SUDS3: variants seen among roughly 807,000 people sequenced by gnomAD.
SUDS3 encodes the protein sin3 histone deacetylase corepressor complex component SDS3.
A neutral mutation model predicts 53.5 loss-of-function variants in SUDS3; 23 were observed. The ratio of observed to expected loss-of-function variants is 0.43; its 90% CI spans 0.31 to 0.61. The LOEUF (loss-of-function observed/expected upper bound fraction) is 0.61, where lower values mean the gene tolerates loss of function less well. SUDS3 is among the 20% of genes least tolerant of loss of function. The probability of loss-of-function intolerance (pLI) is 0.10; values close to 1 mark genes in which losing one functional copy is unlikely to be tolerated. For synonymous variants in SUDS3, 150 were observed against 148.5 expected (o/e 1.01, Z -0.08); for missense variants, 291 against 405.9 (o/e 0.72, Z 2.43).
At chr12:118,386,081 CAAT>C (rs761964428) in intron 3 of SUDS3, 30 bp from the exon 4 acceptor site, 5 of 1,498,280 alleles carry the variant, frequency 3.3e-6, no homozygotes, top group Non-Finnish European at 3.6e-6. Flanking sequence ...TTTATATTCA[CAAT>C]AATTTTATTT....
intron 10 of SUDS3, among the ~76,000 whole-genome samples, chr12:118,408,884 C>T (rs2046332637): frequency 6.6e-6 from 1 of 152,130 alleles, no homozygotes. Context: ...TGAGTATTCT[C>T]CCTCTGTATT....
intron 6 of SUDS3, among the ~76,000 whole-genome samples, chr12:118,399,622 G>A (rs535022921): frequency 6.6e-6 from 1 of 152,272 alleles, no homozygotes; most frequent in Admixed American, 6.5e-5. Context: ...ACTGAAGGCC[G>A]TGGAGGTAGC....
At chr12:118,380,330 C>G in intron 2 of SUDS3, 99 bp downstream of exon 2, 1 of 1,035,036 alleles carries the variant, frequency 9.7e-7, no homozygotes, top group Non-Finnish European at 1.4e-6. Context: ...GCTCCAAAAT[C>G]TAAAACTTCC....
intron 6 of SUDS3, 93 bp from the exon 7 acceptor site, chr12:118,400,566 G>C (rs2046254838): frequency 8.6e-7 from 1 of 1,166,186 alleles, no homozygotes; most frequent in South Asian, 1.2e-5. Flanking sequence ...GTTCTGATTG[G>C]GTGGCTGGGG....
At position 118,389,940 on chromosome 12, in the gene SUDS3, G is replaced by A; in HGVS notation, c.354G>A (p.Gln118=). 1 of 1,614,046 alleles carries A rather than the reference G, an allele frequency of 6.2e-7. No homozygotes were observed. The change falls in exon 5 of 12, where the codon CAG becomes CAA. Residue 118 remains glutamine (Q), a synonymous_variant. Transcript: ENST00000543473. ...ERIRNAELFL[Q]LETEQVERNY... ...TATCTCTTGCAGAACTCTTCCTCCA[G>A]CTGGAAGTAAGTACCACGGATCTTC...
Position 118,415,920 on chromosome 12 carries a change from T to C in SUDS3, c.*1487T>C, listed in dbSNP as rs1466903152. 6.6e-6 allele frequency: 1 copy of C among 151,278 alleles called. No individual in the cohort carries two copies. Among genetic ancestry groups the C allele is most frequent in the Non-Finnish European group, 1.5e-5 (1 of 67,922 alleles). The allele number at this position is 151,278 out of a possible 1,614,324, so 9.4% of individuals were successfully genotyped here. A position where few individuals can be genotyped will look rare whatever the true frequency, so the allele number is the denominator to read the frequency against. On this transcript the variant is annotated 3_prime_UTR_variant, in exon 12 of 12. Transcript: ENST00000543473. ...TTTTGTTTTAACTTACAATCCGTTT[T>C]TTCCTCTTTTTTTTTTTTTTTTCTG...
intron 2 of SUDS3, among the ~76,000 whole-genome samples, chr12:118,382,928 A>G (rs1050992939): frequency 1.3e-5 from 2 of 151,912 alleles, no homozygotes; most frequent in Non-Finnish European, 2.9e-5. Context: ...TCGGCCTCCT[A>G]AAGTGCTGGG....
intron 10 of SUDS3, among the ~76,000 whole-genome samples, chr12:118,409,380 T>C (rs997005509): frequency 2.6e-5 from 4 of 151,994 alleles, no homozygotes; most frequent in East Asian, 3.9e-4. Flanking sequence ...CTCCTGACCT[T>C]GTGATCTGCC....
At chr12:118,378,441 A>G (rs2046022956) in intron 1 of SUDS3, among the ~76,000 whole-genome samples, 1 of 151,626 alleles carries the variant, frequency 6.6e-6, no homozygotes, top group Non-Finnish European at 1.5e-5. Context: ...CGTAACAACT[A>G]CTTACATAGT....
intron 6 of SUDS3, 33 bp downstream of exon 6, chr12:118,391,315 G>C (rs770375625): frequency 6.3e-7 from 1 of 1,579,164 alleles, no homozygotes; most frequent in Non-Finnish European, 8.6e-7. Context: ...GATCTTGGGG[G>C]CCCTGAGCGG....
chr12:118,398,014 G>T (rs2046231077), intron 6 of SUDS3, among the ~76,000 whole-genome samples: 1 of 152,144 alleles, frequency 6.6e-6, no homozygotes, highest in Non-Finnish European at 1.5e-5. Flanking sequence ...TTCCAAATTA[G>T]GTGTCAGTGT....
chr12:118,396,072 T>A (rs998998964), intron 6 of SUDS3, among the ~76,000 whole-genome samples: 2 of 152,098 alleles, frequency 1.3e-5, no homozygotes, highest in Non-Finnish European at 2.9e-5. Flanking sequence ...GATGGCGCCC[T>A]CCATCCTGCT....
At chr12:118,377,609 A>G (rs536716189) in intron 1 of SUDS3, among the ~76,000 whole-genome samples, 8 of 148,732 alleles carry the variant, frequency 5.4e-5, no homozygotes, top group African/African-American at 2.0e-4. Context: ...TTGCACTGTC[A>G]TCACAGAGTC....
At position 118,396,166 on chromosome 12, in the gene SUDS3, C is replaced by T. The variant is rs969777501; in HGVS notation, c.518-4493C>T. ...CCTGCCCTGGTTTGGAGGTAATTGC[C>T]AATCTGCTATAATGTTTACTCTGCA... On this transcript the variant is annotated intron_variant, in intron 6 of 11. Coordinates refer to ENST00000543473, the MANE Select transcript of SUDS3 (RefSeq NM_022491.3). Among the ~76,000 whole-genome samples the T allele has an allele frequency of 3.3e-5, 5 of 152,228 alleles. No homozygotes were observed. In the East Asian group the frequency reaches 9.6e-4, roughly 29 times the overall value.
chr12:118,385,693 A>C (rs188782241), intron 3 of SUDS3, among the ~76,000 whole-genome samples: 1 of 152,336 alleles, frequency 6.6e-6, no homozygotes, highest in East Asian at 1.9e-4. Context: ...AATAGCCACA[A>C]ATGGTTAGTG....
intron 5 of SUDS3, among the ~76,000 whole-genome samples, chr12:118,390,454 A>G (rs1007539889): frequency 6.6e-6 from 1 of 152,152 alleles, no homozygotes; most frequent in Admixed American, 6.6e-5. Context: ...AGTGGCTAGC[A>G]TGTGTGTGGG....
intron 6 of SUDS3, 24 bp downstream of exon 6, chr12:118,391,306 A>G (rs779550958): frequency 1.3e-6 from 2 of 1,588,782 alleles, no homozygotes; most frequent in Non-Finnish European, 1.7e-6. Flanking sequence ...ATGGGGTGGG[A>G]TCTTGGGGGC....
At chr12:118,397,548 C>G (rs1337658282) in intron 6 of SUDS3, among the ~76,000 whole-genome samples, 2 of 152,138 alleles carry the variant, frequency 1.3e-5, no homozygotes, top group African/African-American at 4.8e-5. Flanking sequence ...GGCCTCAAAT[C>G]ATGTTTTCCA....
intron 6 of SUDS3, among the ~76,000 whole-genome samples, chr12:118,400,417 C>G (rs1343056972): frequency 1.3e-5 from 2 of 152,096 alleles, no homozygotes; most frequent in Non-Finnish European, 2.9e-5. Flanking sequence ...GGCTGTAATG[C>G]TTGACGGTAG....
Sources: gnomAD v4.1 joint callset for allele counts (sites outside exome capture counted in the v4.1 genomes callset) on GRCh38, gnomAD v4.1.1 for gene constraint, MANE v1.5 for transcripts, NCBI Gene and HGNC (gene_info 2026-07-23, HGNC 2026-07-21) for gene names.